The following CSNK1G3 variants were observed in gnomAD, a reference collection of about 807,000 sequenced individuals.
CSNK1G3 encodes casein kinase I isoform gamma-3.
A neutral mutation model predicts 64.3 loss-of-function variants in CSNK1G3; 23 were observed. That is an observed-to-expected ratio of 0.36 (90% CI 0.26 to 0.51). CSNK1G3 has a LOEUF of 0.51. Among genes scored for constraint, CSNK1G3 ranks in the 20% least tolerant of loss-of-function variants. The probability of loss-of-function intolerance (pLI) is 0.96; values close to 1 mark genes in which losing one functional copy is unlikely to be tolerated. For missense variants in CSNK1G3, 357 were observed against 510.5 expected, an observed-to-expected ratio of 0.70 and a Z score of 2.90; for synonymous variants, 158 against 162.2, an observed-to-expected ratio of 0.97 and a Z score of 0.20.
chr5:123,557,613 G>T, intron 4 of CSNK1G3, 49 bp downstream of exon 4: 1 of 1,211,300 alleles, frequency 8.3e-7, no homozygotes, highest in South Asian at 1.4e-5. Flanking sequence ...GGATTGTCAT[G>T]ACTTTTTAGT....
At chr5:123,572,583 C>T (rs955867789) in intron 4 of CSNK1G3, among the ~76,000 whole-genome samples, 2 of 152,180 alleles carry the variant, frequency 1.3e-5, no homozygotes, top group African/African-American at 4.8e-5. Context: ...CTTACATGAG[C>T]CTCAGTGCTC....
intron 3 of CSNK1G3, among the ~76,000 whole-genome samples, chr5:123,556,024 AAAGTT>A (rs1483737555): frequency 1.3e-5 from 2 of 152,098 alleles, no homozygotes; most frequent in Non-Finnish European, 2.9e-5. Context: ...AAAGTACAGA[AAAGTT>A]AAGTAACTTG....
At chr5:123,591,485 A>G (rs1792355345) in intron 10 of CSNK1G3, 71 bp downstream of exon 10, 2 of 864,322 alleles carry the variant, frequency 2.3e-6, no homozygotes, top group African/African-American at 1.7e-5. Flanking sequence ...TTCAATAGAT[A>G]AAACAGACTG....
At chr5:123,573,960 C>A (rs1234209329) in intron 5 of CSNK1G3, among the ~76,000 whole-genome samples, 1 of 151,806 alleles carries the variant, frequency 6.6e-6, no homozygotes, top group East Asian at 1.9e-4. Context: ...AGCAATTCTC[C>A]TGCCTCAGCC....
chr5:123,559,702 GT>G (rs11357811), intron 4 of CSNK1G3, among the ~76,000 whole-genome samples: 62,367 of 132,244 alleles, frequency 0.47, 13,891 homozygotes, highest in African/African-American at 0.58. Context: ...ATTTTTTGTG[GT>G]TTTTTTTTTT....
At chr5:123,595,234 T>G in intron 10 of CSNK1G3, 100 bp downstream of exon 11, 1 of 1,107,344 alleles carries the variant, frequency 9.0e-7, no homozygotes, top group South Asian at 1.5e-5. Flanking sequence ...AATGGAAAAT[T>G]TGTTGCTGAA....
chr5:123,513,976 T>G (rs1776694561), intron 1 of CSNK1G3, among the ~76,000 whole-genome samples: 1 of 152,234 alleles, frequency 6.6e-6, no homozygotes, highest in African/African-American at 2.4e-5. Flanking sequence ...TCTTATTCTT[T>G]TGTATAGTTA....
intron 8 of CSNK1G3, 21 bp downstream of exon 8, chr5:123,588,532 G>A: frequency 7.0e-7 from 1 of 1,419,956 alleles, no homozygotes; most frequent in Non-Finnish European, 1.0e-6. Context: ...ATGTGAGGTT[G>A]ATACATTATA....
intron 12 of CSNK1G3, among the ~76,000 whole-genome samples, chr5:123,606,540 G>A (rs1196737837): frequency 6.6e-6 from 1 of 152,080 alleles, no homozygotes; most frequent in Non-Finnish European, 1.5e-5. Flanking sequence ...TACTTCATAG[G>A]TTGAGAAAAT....
chr5:123,604,679 T>G, intron 10 of CSNK1G3, 45 bp from the exon 12 acceptor site: 1 of 942,042 alleles, frequency 1.1e-6, no homozygotes, highest in Non-Finnish European at 1.7e-6. Context: ...TTTATGAGCA[T>G]GTGTGTGTAC....
intron 1 of CSNK1G3, among the ~76,000 whole-genome samples, chr5:123,536,971 C>T (rs188590403): frequency 1.4e-4 from 21 of 152,228 alleles, no homozygotes; most frequent in Admixed American, 5.2e-4. Flanking sequence ...AAAGGGAACT[C>T]CTATACACTG....
chr5:123,541,472 AG>A (rs1397317545), intron 1 of CSNK1G3, among the ~76,000 whole-genome samples: 1 of 152,196 alleles, frequency 6.6e-6, no homozygotes, highest in African/African-American at 2.4e-5. Context: ...TCTGCTGCCC[AG>A]GCTGGAGTGC....
chr5:123,575,802 G>A (rs2150736351), exon 6 of CSNK1G3: 1 of 1,613,562 alleles, frequency 6.2e-7, no homozygotes, highest in East Asian at 2.2e-5. Flanking sequence ...TTCTTAATAG[G>A]ACGACCAGGA....
intron 12 of CSNK1G3, among the ~76,000 whole-genome samples, chr5:123,606,469 A>G (rs1403397036): frequency 6.6e-6 from 1 of 152,142 alleles, no homozygotes; most frequent in Non-Finnish European, 1.5e-5. Flanking sequence ...TGTTTCTGCC[A>G]CTTATTTGTT....
chr5:123,512,767 G>C (rs1197092743), intron 1 of CSNK1G3, among the ~76,000 whole-genome samples, 197 bp downstream of exon 1: 1 of 151,126 alleles, frequency 6.6e-6, no homozygotes, highest in Non-Finnish European at 1.5e-5. Flanking sequence ...GGAGGCGTGG[G>C]CAGGAGGGGG....
chr5:123,608,084 C>T (rs1338013417), intron 12 of CSNK1G3, among the ~76,000 whole-genome samples: 1 of 152,108 alleles, frequency 6.6e-6, no homozygotes, highest in Non-Finnish European at 1.5e-5. Flanking sequence ...TGCACACCAT[C>T]ATACCCAGCT....
At chr5:123,524,843 T>C (rs1778751462) in intron 1 of CSNK1G3, among the ~76,000 whole-genome samples, 3 of 152,182 alleles carry the variant, frequency 2.0e-5, no homozygotes, top group African/African-American at 7.2e-5. Flanking sequence ...GTGGTCTCTT[T>C]TCTTTCCATC....
intron 10 of CSNK1G3, 45 bp from the exon 12 acceptor site, chr5:123,604,677 CAT>C (rs1349357688): frequency 2.2e-6 from 2 of 915,850 alleles, no homozygotes; most frequent in Non-Finnish European, 3.4e-6. Flanking sequence ...TATTTATGAG[CAT>C]GTGTGTGTAC....
intron 1 of CSNK1G3, among the ~76,000 whole-genome samples, chr5:123,544,461 A>G (rs1434585249): frequency 6.6e-6 from 1 of 152,224 alleles, no homozygotes; most frequent in Non-Finnish European, 1.5e-5. Context: ...TTATATAATT[A>G]GAAAATTTTT....
Sources: allele counts gnomAD v4.1 joint callset (sites outside exome capture counted in the v4.1 genomes callset), GRCh38; gene constraint gnomAD v4.1.1; transcripts MANE v1.5; gene names NCBI Gene and HGNC (gene_info 2026-07-23, HGNC 2026-07-21).